UBR3: variants seen among roughly 807,000 people sequenced by gnomAD.
The protein encoded by UBR3 is ubiquitin protein ligase E3 component n-recognin 3.
In UBR3, 85 loss-of-function variants were observed where a neutral mutation model predicts 243.2. The observed-to-expected ratio is 0.35, with a 90% CI of 0.29 to 0.42. UBR3 has a LOEUF of 0.42. Ranked by LOEUF, UBR3 falls within the 10% of genes least tolerant of loss-of-function variation. The probability of loss-of-function intolerance (pLI) is 1.00; values close to 1 mark genes in which losing one functional copy is unlikely to be tolerated. For missense variants in UBR3, 1,686 were observed against 2,300.8 expected (o/e 0.73, Z 5.47); for synonymous variants, 748 against 799.8 (o/e 0.94, Z 1.09).
intron 2 of UBR3, among the ~76,000 whole-genome samples, chr2:169,873,224 G>T (rs995754789): frequency 4.6e-5 from 7 of 152,030 alleles, no homozygotes; most frequent in Non-Finnish European, 1.0e-4. Context: ...CATCCTTAAA[G>T]TGTAGGGGAA....
chr2:170,008,381 A>C (rs2089985681), intron 28 of UBR3, among the ~76,000 whole-genome samples: 1 of 152,196 alleles, frequency 6.6e-6, no homozygotes, highest in Non-Finnish European at 1.5e-5. Flanking sequence ...GGTCTTTTTA[A>C]AATTTTATAA....
Position 170,055,552 on chromosome 2 carries a change from TC to T in UBR3, c.4754del (p.Ser1585Ter). ...AGTTAAATGCAGCGAAGAAGATAGG[TC>T]AGCCTGGAAACACGCGGGAGCTCTC... is the stretch of plus-strand genomic sequence containing the variant. Reference protein sequence around the residue: ...LSVKCSEEDRSAWKHAGALKK... With the variant: ...LSVKCSEEDRXAWKHAGALKK... On this transcript the variant is annotated frameshift_variant, in exon 33 of 39. Coordinates refer to ENST00000272793, the MANE Select transcript of UBR3 (RefSeq NM_172070.4). LOFTEE classifies it high-confidence loss of function. 1 of 1,613,646 alleles carries T rather than the reference TC, an allele frequency of 6.2e-7. No homozygotes were observed. Among genetic ancestry groups the T allele is most frequent in the Non-Finnish European group, 8.5e-7 (1 of 1,179,640 alleles).
chr2:169,968,052 T>C (rs947619845), intron 24 of UBR3, among the ~76,000 whole-genome samples: 1 of 152,022 alleles, frequency 6.6e-6, no homozygotes, highest in Non-Finnish European at 1.5e-5. Flanking sequence ...ATACTCTTCA[T>C]TCTTTTAAAA....
At chr2:169,886,035 T>C (rs2084082040) in intron 5 of UBR3, among the ~76,000 whole-genome samples, 1 of 151,808 alleles carries the variant, frequency 6.6e-6, no homozygotes, top group East Asian at 1.9e-4. Context: ...CACGCGTTTG[T>C]AGTCCCATCA....
chr2:169,927,921 A>G (rs756256368), intron 17 of UBR3, among the ~76,000 whole-genome samples: 21 of 152,250 alleles, frequency 1.4e-4, no homozygotes, highest in East Asian at 1.9e-4. Context: ...TGAACATACA[A>G]TGAGAATCTG....
intron 5 of UBR3, among the ~76,000 whole-genome samples, chr2:169,881,991 GTA>G (rs1160572538): frequency 8.6e-6 from 1 of 116,724 alleles, no homozygotes; most frequent in East Asian, 2.3e-4. Context: ...ATATGTATAT[GTA>G]TATTTATATA....
intron 32 of UBR3, among the ~76,000 whole-genome samples, chr2:170,048,640 G>A (rs2091146244): frequency 1.3e-5 from 2 of 152,264 alleles, no homozygotes; most frequent in East Asian, 1.9e-4. Flanking sequence ...TAAAGCCCTC[G>A]TTTCCAAATT....
chr2:170,048,161 T>A (rs2091132740), intron 32 of UBR3, among the ~76,000 whole-genome samples: 1 of 152,202 alleles, frequency 6.6e-6, no homozygotes, highest in South Asian at 2.1e-4. Flanking sequence ...TTCTTTAGGA[T>A]CATTGTGAGG....
chr2:170,080,075 C>G, intron 37 of UBR3, 52 bp downstream of exon 37: 1 of 1,508,212 alleles, frequency 6.6e-7, no homozygotes, highest in Non-Finnish European at 9.1e-7. Flanking sequence ...TCTCATATCA[C>G]AAAATATGGT....
intron 24 of UBR3, among the ~76,000 whole-genome samples, chr2:169,971,536 C>G (rs13004915): frequency 0.44 from 66,142 of 151,082 alleles, 15,606 homozygotes; most frequent in Non-Finnish European, 0.54. Flanking sequence ...TTTCAGCTTT[C>G]TACATATGGC....
intron 17 of UBR3, 92 bp from the exon 18 acceptor site, chr2:169,928,635 C>A: frequency 9.5e-7 from 1 of 1,056,210 alleles, no homozygotes; most frequent in South Asian, 2.6e-5. Flanking sequence ...TACTATTTGT[C>A]TACTTCAGCA....
intron 31 of UBR3, among the ~76,000 whole-genome samples, chr2:170,032,514 A>C (rs141498546): frequency 0.012 from 1,693 of 145,320 alleles, 12 homozygotes; most frequent in Non-Finnish European, 0.019. Flanking sequence ...TTTAGTTGCC[A>C]TGTCTCTTTA....
At chr2:170,011,775 A>C (rs1311580657) in intron 29 of UBR3, among the ~76,000 whole-genome samples, 1 of 152,066 alleles carries the variant, frequency 6.6e-6, no homozygotes. Flanking sequence ...AATTAATCAA[A>C]ATCATTACAT....
At chr2:169,949,511 G>A (rs2086922413) in intron 22 of UBR3, 94 bp from the exon 23 acceptor site, 2 of 1,130,100 alleles carry the variant, frequency 1.8e-6, no homozygotes, top group Admixed American at 3.0e-5. Flanking sequence ...ATGAAACTGA[G>A]CATTCCCTTT....
At chr2:169,910,278 A>G (rs1315729611) in intron 10 of UBR3, among the ~76,000 whole-genome samples, 2 of 152,164 alleles carry the variant, frequency 1.3e-5, no homozygotes, top group Non-Finnish European at 2.9e-5. Context: ...TTTAGATATT[A>G]AGGACAGGGA....
At chr2:169,882,071 A>G (rs1434163762) in intron 5 of UBR3, among the ~76,000 whole-genome samples, 1 of 126,264 alleles carries the variant, frequency 7.9e-6, no homozygotes, top group South Asian at 2.3e-4. Flanking sequence ...CATATAATAT[A>G]ATTATATATG....
At chr2:170,066,942 C>T (rs935255262) in intron 35 of UBR3, among the ~76,000 whole-genome samples, 18 of 110,994 alleles carry the variant, frequency 1.6e-4, no homozygotes, top group South Asian at 3.0e-4. Flanking sequence ...CCAGCCTGGG[C>T]GACAGAGCGA....
intron 22 of UBR3, among the ~76,000 whole-genome samples, chr2:169,948,280 A>G (rs988524007): frequency 2.6e-5 from 4 of 151,922 alleles, no homozygotes; most frequent in Non-Finnish European, 5.9e-5. Flanking sequence ...TGACTTGGAT[A>G]TTTTCTAAAT....
chr2:169,859,550 A>G (rs2105300909), intron 1 of UBR3, among the ~76,000 whole-genome samples: 1 of 151,860 alleles, frequency 6.6e-6, no homozygotes, highest in East Asian at 1.9e-4. Flanking sequence ...TTATTATCCC[A>G]CAGCTCACTG....
Sources: gnomAD v4.1 joint callset for allele counts (sites outside exome capture counted in the v4.1 genomes callset) on GRCh38, gnomAD v4.1.1 for gene constraint, MANE v1.5 for transcripts, NCBI Gene and HGNC (gene_info 2026-07-23, HGNC 2026-07-21) for gene names.